The following NGEF variants were observed in gnomAD, a reference collection of about 807,000 sequenced individuals.
NGEF encodes the protein neuronal guanine nucleotide exchange factor.
A neutral mutation model predicts 80.9 loss-of-function variants in NGEF; 31 were observed. The observed-to-expected ratio is 0.38, with a 90% CI of 0.29 to 0.52. The LOEUF is 0.52. Ranked by LOEUF, NGEF falls within the 20% of genes least tolerant of loss-of-function variation. NGEF has a pLI of 0.84. For missense variants in NGEF, 709 were observed against 926.2 expected (o/e 0.77, Z 3.04); for synonymous variants, 371 against 370.2 (o/e 1.00, Z -0.03).
At chr2:233,005,722 A>C (rs1695070669) in intron 1 of NGEF, among the ~76,000 whole-genome samples, 1 of 152,222 alleles carries the variant, frequency 6.6e-6, no homozygotes, top group African/African-American at 2.4e-5. Context: ...CATCAGAAGG[A>C]AACAGTCCTG....
intron 3 of NGEF, among the ~76,000 whole-genome samples, chr2:232,953,301 CAAA>C (rs57652494): frequency 4.4e-5 from 4 of 91,224 alleles, no homozygotes; most frequent in Non-Finnish European, 6.1e-5. Context: ...GACTCTGTGT[CAAA>C]AAAAAAAAAA....
At chr2:232,969,015 C>T (rs945363344) in intron 3 of NGEF, among the ~76,000 whole-genome samples, 2 of 152,200 alleles carry the variant, frequency 1.3e-5, no homozygotes, top group African/African-American at 4.8e-5. Context: ...ACCCTCTAGA[C>T]TTCTTTCACA....
At chr2:232,928,170 G>T (rs1375834915) in intron 3 of NGEF, 8 of 979,052 alleles carry the variant, frequency 8.2e-6, no homozygotes, top group Non-Finnish European at 9.7e-6. Context: ...GCGGGCGCGC[G>T]CCTGGAGGCT....
chr2:232,880,623 G>C (rs778368), intron 14 of NGEF, among the ~76,000 whole-genome samples: 93,858 of 152,206 alleles, frequency 0.62, 29,232 homozygotes, highest in East Asian at 0.66. Flanking sequence ...AAGGGAAAGG[G>C]GGTCAGTGTT....
chr2:232,993,062 T>C (rs1694683007), intron 1 of NGEF, among the ~76,000 whole-genome samples: 1 of 109,808 alleles, frequency 9.1e-6, no homozygotes, highest in Non-Finnish European at 1.8e-5. Flanking sequence ...AATATACATA[T>C]ATATGTGTGT....
At chr2:232,890,302 C>T (rs1436523267) in intron 8 of NGEF, among the ~76,000 whole-genome samples, 2 of 150,418 alleles carry the variant, frequency 1.3e-5, no homozygotes, top group African/African-American at 4.9e-5. Context: ...GCTGGAGCCT[C>T]CCTTTTCTGG....
intron 1 of NGEF, among the ~76,000 whole-genome samples, chr2:232,986,811 AT>A (rs1694540942): frequency 6.6e-6 from 1 of 152,232 alleles, no homozygotes; most frequent in South Asian, 2.1e-4. Context: ...GGATGTGTTA[AT>A]TTGACTGTGA....
At chr2:232,890,872 C>A in intron 8 of NGEF, 1 of 470,706 alleles carries the variant, frequency 2.1e-6, no homozygotes, top group Non-Finnish European at 4.4e-6. Context: ...GTCCCCATCT[C>A]CACACCCACT....
In NGEF at chr2:232,905,701, A is replaced by G. The variant is rs1235729497; in HGVS notation, c.829-10785T>C. 11 of 387,106 alleles carry G rather than the reference A, an allele frequency of 2.8e-5. 1 individual carries two copies. Among genetic ancestry groups the G allele is most frequent in the African/African-American group, 9.2e-5 (4 of 43,516 alleles). 24.0% of individuals were successfully genotyped at this position (387,106 alleles called of 1,614,324 possible). ...CCATCCCATCTAGGAAGTGAAGAGC[A>G]TCTCCGCCCGGCCGCCCATCGTCTG... On this transcript the variant is annotated intron_variant, in intron 5 of 14. Transcript: ENST00000264051.
At chr2:232,895,722 G>T (rs992410998) in intron 5 of NGEF, among the ~76,000 whole-genome samples, 1 of 152,082 alleles carries the variant, frequency 6.6e-6, no homozygotes, top group Non-Finnish European at 1.5e-5. Flanking sequence ...AATCTGGGGG[G>T]ATGTTTACCT....
At chr2:232,996,955 G>A (rs1288983436) in intron 1 of NGEF, among the ~76,000 whole-genome samples, 1 of 152,212 alleles carries the variant, frequency 6.6e-6, no homozygotes, top group East Asian at 1.9e-4. Flanking sequence ...ACGCCCACTC[G>A]AAGTCACTGC....
In NGEF at chr2:232,906,217, G is replaced by C. The variant is rs1218474592; in HGVS notation, c.829-11301C>G. Among the ~76,000 whole-genome samples the C allele has an allele frequency of 2.0e-3, 21 of 10,532 alleles. 2 individuals carry two copies. The South Asian group carries it at 0.021, about 11-fold the overall frequency. The allele number at this position is 10,532 out of a possible 152,430, so 6.9% of individuals were successfully genotyped here. ...CAGCCGCCCCGTCCGGGAAGGAGGT[G>C]GGGGGGGGTCAGCCCCCCGCCCGGC... On this transcript the variant is annotated intron_variant, in intron 5 of 14. Transcript: ENST00000264051.
intron 1 of NGEF, among the ~76,000 whole-genome samples, chr2:232,986,422 A>G (rs551213198): frequency 3.8e-4 from 58 of 152,364 alleles, no homozygotes; most frequent in African/African-American, 1.3e-3. Context: ...CATGTTCATT[A>G]TTCATGATAG....
At chr2:233,012,110 G>A (rs1165885484) in intron 1 of NGEF, among the ~76,000 whole-genome samples, 1 of 152,108 alleles carries the variant, frequency 6.6e-6, no homozygotes, top group Admixed American at 6.5e-5. Flanking sequence ...AGAAGGGGCA[G>A]GGAGGACAAA....
At chr2:232,911,263 TGTCCTTTTTCC>T in intron 5 of NGEF, among the ~76,000 whole-genome samples, 1 of 152,352 alleles carries the variant, frequency 6.6e-6, no homozygotes, top group African/African-American at 2.4e-5. Context: ...TTGAAAAGAC[TGTCCTTTTTCC>T]ATTAATTTGC....
intron 1 of NGEF, among the ~76,000 whole-genome samples, chr2:232,988,878 G>GA (rs1694595562): frequency 6.6e-6 from 1 of 152,140 alleles, no homozygotes; most frequent in Non-Finnish European, 1.5e-5. Flanking sequence ...AGGATGCTGG[G>GA]AAAAATCCAG....
Position 232,888,249 on chromosome 2 carries a change from C to G in NGEF, c.1273-142G>C, listed in dbSNP as rs1397126928. On this transcript the variant is annotated intron_variant, in intron 8 of 14. Coordinates refer to ENST00000264051, the MANE Select transcript of NGEF (RefSeq NM_019850.3). ...ACACACACACACACGCACGCACGCA[C>G]ACGCATACATGCATGCACACATGCA... The G allele has an allele frequency of 6.4e-6, 4 of 626,492 alleles. No homozygotes were observed. The East Asian group carries it at 1.1e-4, about 17-fold the overall frequency. The allele number at this position is 626,492 out of a possible 1,614,324, so 38.8% of individuals were successfully genotyped here. A position where few individuals can be genotyped will look rare whatever the true frequency, so the allele number is the denominator to read the frequency against.
At chr2:232,954,334 C>G (rs4973584) in intron 3 of NGEF, among the ~76,000 whole-genome samples, 62,561 of 151,962 alleles carry the variant, frequency 0.41, 15,202 homozygotes, top group Non-Finnish European at 0.53. Flanking sequence ...ACCAGCCCAG[C>G]CCTGGAGTTA....
intron 14 of NGEF, among the ~76,000 whole-genome samples, chr2:232,880,910 G>A (rs1691480913): frequency 1.3e-5 from 2 of 152,196 alleles, no homozygotes; most frequent in South Asian, 2.1e-4. Flanking sequence ...AGGAAAGGTG[G>A]GGTCTCCCGG....
Sources: gnomAD v4.1 joint callset for allele counts (sites outside exome capture counted in the v4.1 genomes callset) on GRCh38, gnomAD v4.1.1 for gene constraint, MANE v1.5 for transcripts, NCBI Gene and HGNC (gene_info 2026-07-23, HGNC 2026-07-21) for gene names.